LRRC9: variants seen among roughly 807,000 people sequenced by gnomAD.
LRRC9 encodes the protein leucine-rich repeat-containing protein 9.
LRRC9 carries 122 observed loss-of-function variants against 63.2 expected under a neutral mutation model. The ratio of observed to expected loss-of-function variants is 1.93; its 90% CI spans 1.67 to 2.24. The LOEUF is 2.24. Ranked by LOEUF, LRRC9 falls within the 30% of genes most tolerant of loss-of-function variation. The probability of loss-of-function intolerance (pLI) is 0.00; values close to 1 mark genes in which losing one functional copy is unlikely to be tolerated. For missense variants in LRRC9, 1,071 were observed against 627.7 expected, an observed-to-expected ratio of 1.71 and a Z score of -7.55; for synonymous variants, 366 against 213.1, an observed-to-expected ratio of 1.72 and a Z score of -6.25.
chr14:60,039,541 T>C (rs1201325482), intron 29 of LRRC9, among the ~76,000 whole-genome samples: 2 of 152,230 alleles, frequency 1.3e-5, no homozygotes, highest in Non-Finnish European at 1.5e-5. Context: ...ATTTTCTAGT[T>C]TATTTGCATA....
At chr14:59,994,839 C>A (rs1888568282) in intron 17 of LRRC9, among the ~76,000 whole-genome samples, 1 of 146,972 alleles carries the variant, frequency 6.8e-6, no homozygotes, top group African/African-American at 2.5e-5. Context: ...GGAAGGGGAA[C>A]ATCACACACC....
chr14:59,982,121 G>C (rs1886995876), intron 16 of LRRC9, 61 bp downstream of exon 16: 1 of 654,426 alleles, frequency 1.5e-6, no homozygotes, highest in African/African-American at 1.8e-5. Flanking sequence ...TCAGAATCTA[G>C]CATATGAAGT....
In LRRC9 at chr14:60,063,478, T is replaced by C. The variant is rs1040722221; in HGVS notation, c.*70T>C. The C allele has an allele frequency of 1.5e-5, 10 of 653,112 alleles. No homozygotes were observed. In the African/African-American group the frequency reaches 1.8e-4, roughly 12 times the overall value. The allele number at this position is 653,112 out of a possible 1,614,324, so 40.5% of individuals were successfully genotyped here. On this transcript the variant is annotated 3_prime_UTR_variant, in exon 32 of 32. Transcript: ENST00000445360. ...AAAAAAGATAATCATGTTACTTAAG[T>C]TACTGAAGCACTTCAGTTCCATATG...
At chr14:59,954,016 C>A (rs1470087101) in intron 8 of LRRC9, among the ~76,000 whole-genome samples, 1 of 152,168 alleles carries the variant, frequency 6.6e-6, no homozygotes, top group Non-Finnish European at 1.5e-5. Flanking sequence ...TTCCATTGGT[C>A]TATATATCCA....
intron 8 of LRRC9, among the ~76,000 whole-genome samples, chr14:59,952,256 C>T (rs1411078862): frequency 2.6e-5 from 4 of 152,110 alleles, no homozygotes; most frequent in Non-Finnish European, 4.4e-5. Flanking sequence ...GGGAGTGACC[C>T]GATTTTCCAG....
chr14:59,957,157 A>T (rs1293640081), intron 8 of LRRC9, among the ~76,000 whole-genome samples: 2 of 152,054 alleles, frequency 1.3e-5, no homozygotes, highest in African/African-American at 4.8e-5. Context: ...TATTTCCTGA[A>T]TGTGAATATT....
At chr14:60,044,096 T>C (rs1406132888) in intron 29 of LRRC9, among the ~76,000 whole-genome samples, 3 of 152,014 alleles carry the variant, frequency 2.0e-5, no homozygotes, top group African/African-American at 2.4e-5. Flanking sequence ...TATTAGAGTA[T>C]AGTTCATAAT....
At chr14:59,973,405 G>C (rs1441587186) in intron 12 of LRRC9, 1 of 152,016 alleles carries the variant, frequency 6.6e-6, no homozygotes. Context: ...AGTCTAAAAA[G>C]GTTACTTACT....
intron 8 of LRRC9, among the ~76,000 whole-genome samples, chr14:59,947,853 T>G (rs1882630744): frequency 1.3e-5 from 2 of 151,580 alleles, no homozygotes; most frequent in South Asian, 4.2e-4. Context: ...CTCTGTTCTG[T>G]TCCATTGATC....
chr14:60,039,474 T>C (rs1047942034), intron 29 of LRRC9, among the ~76,000 whole-genome samples: 22 of 152,228 alleles, frequency 1.4e-4, no homozygotes, highest in Non-Finnish European at 2.8e-4. Context: ...ATTCAACTTC[T>C]TCCTGGTTTA....
At position 59,938,777 on chromosome 14, in the gene LRRC9, G is replaced by A. The variant is rs73304067; in HGVS notation, c.726+205G>A. ...GAATCTTAATTTTGATGACAGTACT[G>A]GAAGGTGAAATAATAGAATAATAAT... is the stretch of plus-strand genomic sequence containing the variant. On this transcript the variant is annotated intron_variant, in intron 7 of 31. Transcript: ENST00000445360. This position sits in a 1 kb window ranked among gnomAD's most constrained non-coding sequence, Gnocchi z 4.2. Among the ~76,000 whole-genome samples the A allele has an allele frequency of 5.6e-3, 847 of 150,472 alleles. 6 individuals carry two copies. Among genetic ancestry groups the A allele is most frequent in the African/African-American group, 0.019 (793 of 41,096 alleles).
chr14:59,967,155 A>C, exon 12 of LRRC9: 1 of 648,684 alleles, frequency 1.5e-6, no homozygotes, highest in Non-Finnish European at 2.9e-6. Flanking sequence ...GTTTCAGTGA[A>C]GAAAAAGCAT....
chr14:59,967,186 A>G, exon 12 of LRRC9: 3 of 622,962 alleles, frequency 4.8e-6, no homozygotes, highest in South Asian at 1.8e-5. Flanking sequence ...TACTTGAAAA[A>G]GGATTCAAAG....
chr14:60,053,083 C>T lies in LRRC9; in HGVS notation c.4009C>T (p.His1337Tyr). The change falls in exon 30 of 32, where the codon CAT becomes TAT. Residue 1337 changes from histidine (H) to tyrosine (Y), a missense_variant. Coordinates refer to ENST00000445360, the Ensembl canonical transcript of LRRC9. The surrounding 1 kb of genome is among the most constrained non-coding windows in gnomAD (Gnocchi z 4.8). ...TATTCAGATTTGTAGAAAAATGCTA[C>T]ATCGCCACATGCTTATATTTCGACT... The T allele has an allele frequency of 1.4e-6, 1 of 697,690 alleles. No homozygotes were observed. The highest frequency in any genetic ancestry group is 1.5e-5 in the South Asian group (1 of 66,234). The allele number at this position is 697,690 out of a possible 1,614,324, so 43.2% of individuals were successfully genotyped here.
intron 30 of LRRC9, chr14:60,054,082 T>G (rs116863944): frequency 0.026 from 8,628 of 336,088 alleles, 198 homozygotes; most frequent in South Asian, 0.05. Flanking sequence ...TTAAAAACAT[T>G]AAACTGAATA....
At chr14:60,007,595 A>G (rs540963936) in intron 22 of LRRC9, among the ~76,000 whole-genome samples, 2 of 152,304 alleles carry the variant, frequency 1.3e-5, no homozygotes, top group East Asian at 3.9e-4. Flanking sequence ...CCATTTATTA[A>G]GCCATTATTC....
At chr14:59,950,707 G>A (rs1290267282) in intron 8 of LRRC9, among the ~76,000 whole-genome samples, 24 of 132,458 alleles carry the variant, frequency 1.8e-4, no homozygotes, top group East Asian at 7.5e-4. Context: ...TGACAAAATC[G>A]GTCAGCATTT....
chr14:60,024,942 G>T (rs1409771121), intron 27 of LRRC9, among the ~76,000 whole-genome samples: 1 of 151,858 alleles, frequency 6.6e-6, no homozygotes, highest in Non-Finnish European at 1.5e-5. Flanking sequence ...TTCTGAGTTA[G>T]CTCACTGAGG....
At chr14:60,032,824 C>T (rs1380991608) in intron 29 of LRRC9, among the ~76,000 whole-genome samples, 1 of 152,106 alleles carries the variant, frequency 6.6e-6, no homozygotes, top group Non-Finnish European at 1.5e-5. Context: ...AGAACACTTT[C>T]TTCCCAAGAA....
Sources: allele counts gnomAD v4.1 joint callset (sites outside exome capture counted in the v4.1 genomes callset), GRCh38; gene constraint gnomAD v4.1.1; non-coding constraint Gnocchi (gnomAD v3.1); transcripts MANE v1.5; gene names NCBI Gene and HGNC (gene_info 2026-07-23, HGNC 2026-07-21).